Variants in SCIN observed in about 807,000 individuals in gnomAD.
SCIN encodes scinderin.
Under a neutral mutation model 91.8 loss-of-function variants are expected in SCIN, and 91 were observed. That is an observed-to-expected ratio of 0.99 (90% CI 0.84 to 1.18). The LOEUF is 1.18. SCIN is among the 50% of genes most tolerant of loss of function. The pLI is 0.00. For synonymous variants in SCIN, 367 were observed against 312.6 expected (o/e 1.17, Z -1.84); for missense variants, 1,087 against 863.9 (o/e 1.26, Z -3.24).
In SCIN at chr7:12,657,707, GT is replaced by G. The variant is rs1166466892; in HGVS notation, c.*4997del. On this transcript the variant is annotated 3_prime_UTR_variant, in exon 16 of 16. Transcript: ENST00000297029. The stretch of plus-strand genomic sequence containing the variant: ...CCCTTGGGCCTTTGCAGCCTGTGTT[GT>G]TTTTCTCTTTTTCATATTGATGTGA... 3.4e-5 allele frequency: 5 copies of G among 147,360 alleles called. No individual in the cohort carries two copies. The highest frequency in any genetic ancestry group is 1.4e-4 in the Admixed American group (2 of 14,604). The allele number at this position is 147,360 out of a possible 1,614,324, so 9.1% of individuals were successfully genotyped here. A position where few individuals can be genotyped will look rare whatever the true frequency, so the allele number is the denominator to read the frequency against.
At position 12,657,572 on chromosome 7, in the gene SCIN, A is replaced by ATATATATATATATT. The variant is rs1554298408; in HGVS notation, c.*4858_*4859insATATATATATATTT. The ATATATATATATATT allele has an allele frequency of 4.5e-5, 1 of 22,086 alleles. No homozygotes were observed. The highest frequency in any genetic ancestry group is 1.3e-4 in the Non-Finnish European group (1 of 7,718). 1.4% of individuals were successfully genotyped at this position (22,086 alleles called of 1,614,324 possible). ...TATATATATATATATATATATATATATTTTTTTTTTTTTTTTTTTTTTTTT... is the reference window on the plus strand; with the variant it reads ...TATATATATATATATATATATATATATATATATATATATTTTTTTTTTTTTTTTTTTTTTTTTTT... On this transcript the variant is annotated 3_prime_UTR_variant, in exon 16 of 16. Transcript: ENST00000297029.
Position 12,626,658 on chromosome 7 carries a change from G to A in SCIN, c.1056G>A (p.Gln352=), listed in dbSNP as rs371616287. The A allele has an allele frequency of 1.3e-6, 2 of 1,559,530 alleles. No homozygotes were observed. Among genetic ancestry groups the A allele is most frequent in the South Asian group, 2.4e-5 (2 of 84,546 alleles). ...TTAAGGACTGGAGAGATAAAGATCAGAGTGATGGCTTCGGGAAAGTTTATG... is the reference window on the plus strand; with the variant it reads ...TTAAGGACTGGAGAGATAAAGATCAAAGTGATGGCTTCGGGAAAGTTTATG... The part of the protein sequence containing the change: ...QFFKDWRDKD[Q]SDGFGKVYVT... Residue 352 remains glutamine, a synonymous_variant, in exon 8 of 16, where the codon CAG becomes CAA. Coordinates refer to ENST00000297029, the MANE Select transcript of SCIN (RefSeq NM_001112706.3).
At chr7:12,595,745 G>A (rs1226108725) in intron 3 of SCIN, 1 of 152,126 alleles carries the variant, frequency 6.6e-6, no homozygotes, top group Non-Finnish European at 1.5e-5. Context: ...TTAAAGTTTT[G>A]GAATTTGGTG....
chr7:12,579,005 A>C (rs2115207944), intron 2 of SCIN, among the ~76,000 whole-genome samples: 1 of 146,444 alleles, frequency 6.8e-6, no homozygotes, highest in East Asian at 2.0e-4. Flanking sequence ...GTTCAGTTAA[A>C]GTGTGAGGAA....
At chr7:12,577,518 T>C in intron 1 of SCIN, 1 of 456,236 alleles carries the variant, frequency 2.2e-6, no homozygotes, top group South Asian at 1.5e-5. Flanking sequence ...CACACAACAG[T>C]GTTTCTTTTT....
chr7:12,644,400 T>C (rs1783917255), intron 12 of SCIN, 85 bp downstream of exon 12: 1 of 1,479,958 alleles, frequency 6.8e-7, no homozygotes, highest in African/African-American at 1.4e-5. Context: ...AAAGTCACTT[T>C]CTAATGGCTT....
Position 12,652,834 on chromosome 7 carries a change from T to G in SCIN, c.*119T>G. 1 of 1,269,596 alleles carries G rather than the reference T, an allele frequency of 7.9e-7. No homozygotes were observed. The highest frequency in any genetic ancestry group is 2.4e-5 in the Admixed American group (1 of 42,040). The allele number at this position is 1,269,596 out of a possible 1,614,324, so 78.6% of individuals were successfully genotyped here. ...TTTTGAAAATTAAGGCTGGGCGCGG[T>G]GGCTCACACCTGTAATCCCAGCACT... On this transcript the variant is annotated 3_prime_UTR_variant, in exon 16 of 16. Coordinates refer to ENST00000297029, the MANE Select transcript of SCIN (RefSeq NM_001112706.3).
At position 12,652,677 on chromosome 7, in the gene SCIN, A is replaced by G; in HGVS notation, c.2110A>G (p.Thr704Ala). ...ACAGGGCCATGAGCCACCCACATTC[A>G]CAGGCTGGTTCCTGGGCTGGGATTC... is the stretch of plus-strand genomic sequence containing the variant. ...IKQGHEPPTFTGWFLGWDSSK... is the reference protein window; with the variant it reads ...IKQGHEPPTFAGWFLGWDSSK... Residue 704 changes from threonine to alanine, a missense_variant, in exon 16 of 16, where the codon ACA becomes GCA. Coordinates refer to ENST00000297029, the MANE Select transcript of SCIN (RefSeq NM_001112706.3). The G allele has an allele frequency of 6.2e-7, 1 of 1,607,496 alleles. No individual in the cohort carries two copies. The highest frequency in any genetic ancestry group is 8.5e-7 in the Non-Finnish European group (1 of 1,177,950).
Position 12,657,568 on chromosome 7 carries a change from ATATATTTTTTTTTTTT to A in SCIN, c.*4855_*4870del, listed in dbSNP as rs1446775010. ...TATATATATATATATATATATATAT[ATATATTTTTTTTTTTT>A]TTTTTTTTTTTTTTGCATTGGCAAA... On this transcript the variant is annotated 3_prime_UTR_variant, in exon 16 of 16. Transcript: ENST00000297029. 46 of 20,610 alleles carry A rather than the reference ATATATTTTTTTTTTTT, an allele frequency of 2.2e-3. 1 individual carries two copies. Among genetic ancestry groups the A allele is most frequent in the African/African-American group, 4.3e-3 (27 of 6,278 alleles). The allele number at this position is 20,610 out of a possible 1,614,324, so 1.3% of individuals were successfully genotyped here. A position where few individuals can be genotyped will look rare whatever the true frequency, so the allele number is the denominator to read the frequency against.
Position 12,570,798 on chromosome 7 carries a change from G to T in SCIN, c.12G>T (p.Glu4Asp). 6.4e-7 allele frequency: 1 copy of T among 1,551,186 alleles called. No homozygotes were observed. The highest frequency in any genetic ancestry group is 1.4e-5 in the African/African-American group (1 of 73,188). The change falls in exon 1 of 16, where the codon GAG becomes GAT. Residue 4 changes from glutamate (E) to aspartate (D), a missense_variant. By Grantham distance (45) the Glu-to-Asp change is conservative. Coordinates refer to ENST00000297029, the MANE Select transcript of SCIN (RefSeq NM_001112706.3). MAR[E>D]LYHEEFARAG... ...CGCGTGCAGGAGCCATGGCGCGGGAGCTATACCACGAAGAGTTCGCCCGGG... is the reference window on the plus strand; with the variant it reads ...CGCGTGCAGGAGCCATGGCGCGGGATCTATACCACGAAGAGTTCGCCCGGG...
intron 3 of SCIN, among the ~76,000 whole-genome samples, chr7:12,594,210 C>T (rs1160801714): frequency 2.0e-5 from 3 of 151,718 alleles, no homozygotes; most frequent in African/African-American, 7.3e-5. Flanking sequence ...AGAGCCGGAG[C>T]AGGGACATAC....
rs754785559 is a variant in SCIN, at chr7:12,656,252, C to G, written c.*3537C>G. 8 of 152,088 alleles carry G rather than the reference C, an allele frequency of 5.3e-5. No individual in the cohort carries two copies. Among genetic ancestry groups the G allele is most frequent in the Non-Finnish European group, 8.8e-5 (6 of 68,028 alleles). 9.4% of individuals were successfully genotyped at this position (152,088 alleles called of 1,614,324 possible). On this transcript the variant is annotated 3_prime_UTR_variant, in exon 16 of 16. Coordinates refer to ENST00000297029, the MANE Select transcript of SCIN (RefSeq NM_001112706.3). The stretch of plus-strand genomic sequence containing the variant: ...ATTCAGTCATCAAGCAATTCTTGTC[C>G]CAATCATTCTCCAAAGCTATATACT...
chr7:12,628,034 T>C (rs12534068), intron 8 of SCIN, among the ~76,000 whole-genome samples: 160 of 5,946 alleles, frequency 0.027, no homozygotes, highest in South Asian at 0.06. Context: ...TGTGCGCGCG[T>C]GTGTGTGTGT....
intron 3 of SCIN, among the ~76,000 whole-genome samples, chr7:12,586,652 T>C (rs1288983159): frequency 6.6e-6 from 1 of 152,172 alleles, no homozygotes; most frequent in African/African-American, 2.4e-5. Context: ...GCATCACTAT[T>C]CACAATAGCA....
chr7:12,590,428 G>A (rs1047450488), intron 3 of SCIN, among the ~76,000 whole-genome samples: 7 of 151,940 alleles, frequency 4.6e-5, no homozygotes, highest in African/African-American at 1.5e-4. Flanking sequence ...TGAATAGATG[G>A]GGGGAGGAGA....
chr7:12,592,833 G>T (rs916013515), intron 3 of SCIN, among the ~76,000 whole-genome samples: 1 of 152,172 alleles, frequency 6.6e-6, no homozygotes, highest in African/African-American at 2.4e-5. Flanking sequence ...AGGCAAAGCT[G>T]AGTAGGTGGC....
At chr7:12,582,817 G>T in intron 3 of SCIN, among the ~76,000 whole-genome samples, 1 of 152,100 alleles carries the variant, frequency 6.6e-6, no homozygotes, top group Non-Finnish European at 1.5e-5. Context: ...CAGCCACACA[G>T]TTCCGAAAGC....
At position 12,625,750 on chromosome 7, in the gene SCIN, C is replaced by G; in HGVS notation, c.893-12C>G. 5.1e-6 allele frequency: 8 copies of G among 1,570,524 alleles called. No homozygotes were observed. Among genetic ancestry groups the G allele is most frequent in the Non-Finnish European group, 6.1e-6 (7 of 1,146,722 alleles). ...CTGAAGTTCTTTCTCTTTAATTTAC[C>G]TTGTATTTTAGGTAAAGATGCTAAT... On this transcript the variant is annotated splice_polypyrimidine_tract_variant and intron_variant, in intron 6 of 15. Transcript: ENST00000297029.
At chr7:12,648,373 T>G (rs1784009293) in intron 13 of SCIN, among the ~76,000 whole-genome samples, 1 of 149,462 alleles carries the variant, frequency 6.7e-6, no homozygotes, top group African/African-American at 2.5e-5. Flanking sequence ...CTTGACTCAC[T>G]GCAACCTCCA....
Sources: allele counts gnomAD v4.1 joint callset (sites outside exome capture counted in the v4.1 genomes callset), GRCh38; gene constraint gnomAD v4.1.1; transcripts MANE v1.5; gene names NCBI Gene and HGNC (gene_info 2026-07-23, HGNC 2026-07-21).